The following SCG5 variants were observed in gnomAD, a reference collection of about 807,000 sequenced individuals.
SCG5 encodes the protein neuroendocrine protein 7B2.
Under a neutral mutation model 25.7 loss-of-function variants are expected in SCG5, and 18 were observed. The observed-to-expected ratio is 0.70, with a 90% confidence interval of 0.48 to 1.04. SCG5 has a LOEUF of 1.04. Ranked by LOEUF, SCG5 falls within the 50% of genes least tolerant of loss-of-function variation. SCG5 has a pLI of 0.00. For missense variants in SCG5, 206 were observed against 259.8 expected (o/e 0.79, Z 1.42); for synonymous variants, 101 against 91.7 (o/e 1.10, Z -0.58).
At position 32,679,068 on chromosome 15, in the gene SCG5, C is replaced by T. The variant is rs184296288; in HGVS notation, c.227-698C>T. Among the ~76,000 whole-genome samples, 899 of 152,300 alleles carry T rather than the reference C, an allele frequency of 5.9e-3. 9 individuals are homozygous for T. Among genetic ancestry groups the T allele is most frequent in the African/African-American group, 0.02 (850 of 41,552 alleles). ...ATTGCCTTCCTTTCTTGACCCAAGT[C>T]CTGCCCAAGCTCCACGCCCAGCTTC... On this transcript the variant is annotated intron_variant, in intron 2 of 5. Transcript: ENST00000300175.
At chr15:32,663,081 T>A (rs1430457972) in intron 2 of SCG5, among the ~76,000 whole-genome samples, 1 of 120,120 alleles carries the variant, frequency 8.3e-6, no homozygotes, top group African/African-American at 3.2e-5. Flanking sequence ...ATATATATAA[T>A]ATATAATATG....
intron 2 of SCG5, among the ~76,000 whole-genome samples, chr15:32,669,869 GAA>G (rs150586292): frequency 7.1e-6 from 1 of 141,546 alleles, no homozygotes; most frequent in African/African-American, 2.6e-5. Flanking sequence ...CACCGCTTCA[GAA>G]AAAAAAAAAA....
rs1439449496 is a variant in SCG5, at chr15:32,696,641, C to T, written c.*32C>T. ...GATGCTAGACGAAAACCCACATTAC[C>T]TGTTAGGCCTCAGCATGGCTTATGT... On this transcript the variant is annotated 3_prime_UTR_variant, in exon 6 of 6. Transcript: ENST00000300175. 6 of 1,402,238 alleles carry T rather than the reference C, an allele frequency of 4.3e-6. No homozygotes were observed. The highest frequency in any genetic ancestry group is 2.3e-5 in the East Asian group (1 of 43,684). The allele number at this position is 1,402,238 out of a possible 1,614,324, so 86.9% of individuals were successfully genotyped here. A position where few individuals can be genotyped will look rare whatever the true frequency, so the allele number is the denominator to read the frequency against.
chr15:32,696,874 A>G lies in SCG5; in HGVS notation c.*265A>G, dbSNP rs912437213. The G allele has an allele frequency of 1.2e-5, 4 of 334,784 alleles. No homozygotes were observed. The highest frequency in any genetic ancestry group is 2.2e-5 in the Non-Finnish European group (4 of 181,358). 20.7% of individuals were successfully genotyped at this position (334,784 alleles called of 1,614,324 possible). ...AAATTAAAATGTGAATGTCAACAAT[A>G]AAAAGCAAGACTATGAAAGGCTCAG... is the stretch of plus-strand genomic sequence containing the variant. On this transcript the variant is annotated 3_prime_UTR_variant, in exon 6 of 6. Coordinates refer to ENST00000300175, the MANE Select transcript of SCG5 (RefSeq NM_001144757.3).
At chr15:32,661,169 G>A (rs1445416788) in intron 2 of SCG5, among the ~76,000 whole-genome samples, 1 of 152,176 alleles carries the variant, frequency 6.6e-6, no homozygotes, top group Non-Finnish European at 1.5e-5. Context: ...ATGCCAAGAT[G>A]GAACAGAAGG....
At chr15:32,650,815 C>G (rs1016996669) in intron 2 of SCG5, among the ~76,000 whole-genome samples, 4 of 152,206 alleles carry the variant, frequency 2.6e-5, no homozygotes, top group African/African-American at 9.7e-5. Context: ...TGTGATAACA[C>G]CAGTTATCTA....
chr15:32,688,914 G>A (rs1458543985), intron 4 of SCG5, among the ~76,000 whole-genome samples: 1 of 148,302 alleles, frequency 6.7e-6, no homozygotes, highest in African/African-American at 2.5e-5. Flanking sequence ...AGCCGAGATA[G>A]TGCCACTGCA....
chr15:32,648,259 A>C (rs79402181), intron 2 of SCG5, among the ~76,000 whole-genome samples: 1 of 152,022 alleles, frequency 6.6e-6, no homozygotes, highest in African/African-American at 2.4e-5. Flanking sequence ...TCCATGTGCA[A>C]TTTCCTGTCT....
At chr15:32,659,959 T>G (rs1198096773) in intron 2 of SCG5, among the ~76,000 whole-genome samples, 1 of 152,140 alleles carries the variant, frequency 6.6e-6, no homozygotes, top group African/African-American at 2.4e-5. Context: ...CCTTGGTCAC[T>G]GAAGTGTGCA....
At position 32,663,071 on chromosome 15, in the gene SCG5, AT is replaced by A. The variant is rs1567076487; in HGVS notation, c.227-16694del. The stretch of plus-strand genomic sequence containing the variant: ...TATATATATATATATATATATATAT[AT>A]ATATATAATATATAATATGTTATAT... On this transcript the variant is annotated intron_variant, in intron 2 of 5. Coordinates refer to ENST00000300175, the MANE Select transcript of SCG5 (RefSeq NM_001144757.3). 3.2e-3 allele frequency among the ~76,000 whole-genome samples: 177 copies of A among 55,186 alleles called. 2 individuals carry two copies. The highest frequency in any genetic ancestry group is 7.6e-3 in the Admixed American group (45 of 5,924). 36.2% of individuals were successfully genotyped at this position (55,186 alleles called of 152,430 possible).
chr15:32,684,702 C>T lies in SCG5; in HGVS notation c.489+33C>T, dbSNP rs746795820. 20 of 1,427,098 alleles carry T rather than the reference C, an allele frequency of 1.4e-5. No individual in the cohort carries two copies. In the East Asian group the frequency reaches 4.1e-4, roughly 29 times the overall value. The allele number at this position is 1,427,098 out of a possible 1,614,324, so 88.4% of individuals were successfully genotyped here. On this transcript the variant is annotated intron_variant, in intron 4 of 5. Coordinates refer to ENST00000300175, the MANE Select transcript of SCG5 (RefSeq NM_001144757.3). Reference sequence around the variant, plus strand: ...CTATCTCAATTGTTAGTAGATTTTGCACTTTGGTACTCTGAAGGTGCTGAT... The same window carrying T: ...CTATCTCAATTGTTAGTAGATTTTGTACTTTGGTACTCTGAAGGTGCTGAT...
chr15:32,691,015 G>T (rs1248701921), intron 4 of SCG5, among the ~76,000 whole-genome samples: 1 of 151,386 alleles, frequency 6.6e-6, no homozygotes, highest in Non-Finnish European at 1.5e-5. Flanking sequence ...GAAATCTGTT[G>T]AGCATGTGTC....
At chr15:32,686,286 T>C (rs1335289187) in intron 4 of SCG5, among the ~76,000 whole-genome samples, 1 of 152,218 alleles carries the variant, frequency 6.6e-6, no homozygotes, top group African/African-American at 2.4e-5. Flanking sequence ...AAAAGCCTTC[T>C]ATAAAAGAAG....
At chr15:32,653,402 A>G (rs2054064428) in intron 2 of SCG5, among the ~76,000 whole-genome samples, 1 of 152,214 alleles carries the variant, frequency 6.6e-6, no homozygotes, top group African/African-American at 2.4e-5. Flanking sequence ...CTGTAGAATA[A>G]TCCTTGTGAA....
chr15:32,655,240 G>A (rs1236983329), intron 2 of SCG5, among the ~76,000 whole-genome samples: 1 of 151,720 alleles, frequency 6.6e-6, no homozygotes, highest in African/African-American at 2.4e-5. Flanking sequence ...CCCAGGAGGC[G>A]GAGCTTGCAG....
At chr15:32,644,440 T>C (rs914184134) in intron 2 of SCG5, among the ~76,000 whole-genome samples, 1 of 152,170 alleles carries the variant, frequency 6.6e-6, no homozygotes, top group Non-Finnish European at 1.5e-5. Flanking sequence ...AAATTAAGAA[T>C]AATTAAATCG....
chr15:32,653,221 G>T (rs1276837946), intron 2 of SCG5, among the ~76,000 whole-genome samples: 1 of 152,184 alleles, frequency 6.6e-6, no homozygotes, highest in Non-Finnish European at 1.5e-5. Flanking sequence ...CCTCAATTAG[G>T]ATTGTTCTTG....
intron 2 of SCG5, among the ~76,000 whole-genome samples, chr15:32,646,487 A>G (rs2053945909): frequency 6.6e-6 from 1 of 152,230 alleles, no homozygotes; most frequent in African/African-American, 2.4e-5. Flanking sequence ...CATAGCTGGA[A>G]GGAGAATATC....
At chr15:32,654,575 A>G (rs1010372173) in intron 2 of SCG5, among the ~76,000 whole-genome samples, 1 of 152,042 alleles carries the variant, frequency 6.6e-6, no homozygotes, top group Non-Finnish European at 1.5e-5. Flanking sequence ...AAAGTGTTAA[A>G]CCTTGACCAC....
Sources: gnomAD v4.1 joint callset for allele counts (sites outside exome capture counted in the v4.1 genomes callset) on GRCh38, gnomAD v4.1.1 for gene constraint, MANE v1.5 for transcripts, NCBI Gene and HGNC (gene_info 2026-07-23, HGNC 2026-07-21) for gene names.